The following DLGAP2 variants were observed in gnomAD, a reference collection of about 807,000 sequenced individuals.
The protein encoded by DLGAP2 is disks large-associated protein 2.
DLGAP2 carries 26 observed loss-of-function variants against 100.3 expected under a neutral mutation model. The observed-to-expected ratio is 0.26, with a 90% CI of 0.19 to 0.36. The LOEUF (loss-of-function observed/expected upper bound fraction) is 0.36, where lower values mean the gene tolerates loss of function less well. DLGAP2 is among the 10% of genes least tolerant of loss of function. The probability of loss-of-function intolerance (pLI) is 1.00; values close to 1 mark genes in which losing one functional copy is unlikely to be tolerated. For synonymous variants in DLGAP2, 886 were observed against 630.1 expected (o/e 1.41, Z -6.08); for missense variants, 1,858 against 1,453.2 (o/e 1.28, Z -4.53).
intron 3 of DLGAP2, among the ~76,000 whole-genome samples, chr8:1,331,112 T>C (rs914379370): frequency 6.6e-6 from 1 of 152,208 alleles, no homozygotes; most frequent in Non-Finnish European, 1.5e-5. Flanking sequence ...TGGGTACTCA[T>C]GCACGCTTTC....
At chr8:1,508,772 C>G (rs182056177) in intron 4 of DLGAP2, among the ~76,000 whole-genome samples, 2 of 151,478 alleles carry the variant, frequency 1.3e-5, no homozygotes, top group Admixed American at 6.6e-5. Context: ...CCTAAAAACA[C>G]CGAGCAGGCA....
At chr8:864,941 TC>T (rs1400714741) in intron 1 of DLGAP2, among the ~76,000 whole-genome samples, 1 of 152,240 alleles carries the variant, frequency 6.6e-6, no homozygotes, top group African/African-American at 2.4e-5. Flanking sequence ...TTAAATGTAT[TC>T]TTAGATATAG....
intron 3 of DLGAP2, among the ~76,000 whole-genome samples, chr8:1,363,692 G>A (rs1585301597): frequency 6.6e-6 from 1 of 152,226 alleles, no homozygotes; most frequent in East Asian, 1.9e-4. Flanking sequence ...AGGACATGGA[G>A]AGAAGCTGGA....
chr8:1,602,773 C>A (rs2957077), intron 6 of DLGAP2, among the ~76,000 whole-genome samples: 111,990 of 152,180 alleles, frequency 0.74, 41,489 homozygotes, highest in East Asian at 0.92. Context: ...CAGATGCTCC[C>A]CAATGTCGTG....
At chr8:1,214,405 G>A (rs558073466) in intron 2 of DLGAP2, among the ~76,000 whole-genome samples, 8 of 152,206 alleles carry the variant, frequency 5.3e-5, no homozygotes, top group African/African-American at 1.2e-4. Flanking sequence ...AGGGCATCTC[G>A]TAGATTGGGA....
intron 3 of DLGAP2, among the ~76,000 whole-genome samples, chr8:1,420,473 C>G (rs191326285): frequency 7.2e-5 from 11 of 152,246 alleles, no homozygotes; most frequent in East Asian, 1.9e-4. Flanking sequence ...TTTTCTAATT[C>G]CAATTCATCC....
chr8:798,001 C>T (rs778201718), intron 1 of DLGAP2, among the ~76,000 whole-genome samples: 14 of 152,180 alleles, frequency 9.2e-5, no homozygotes, highest in Non-Finnish European at 1.5e-4. Flanking sequence ...ACGCCCACCT[C>T]GGCCTCCCAA....
chr8:1,678,301 G>C lies in DLGAP2; in HGVS notation c.2376G>C (p.Thr792=). The change falls in exon 12 of 15, where the codon ACG becomes ACC. Residue 792 remains threonine, a synonymous_variant. Coordinates refer to ENST00000637795, the MANE Select transcript of DLGAP2 (RefSeq NM_001346810.2). ...ELEGFPGHIT[T]EDKGLQFGSS... ...AGGGGTTCCCAGGCCACATCACCAC[G>C]GAGGACAAAGGCCTTCAGTTCGGCT... The C allele has an allele frequency of 1.2e-6, 2 of 1,609,726 alleles. No homozygotes were observed. The highest frequency in any genetic ancestry group is 1.7e-6 in the Non-Finnish European group (2 of 1,176,580).
At chr8:1,249,673 G>C (rs1340321032) in intron 2 of DLGAP2, among the ~76,000 whole-genome samples, 1 of 152,132 alleles carries the variant, frequency 6.6e-6, no homozygotes, top group African/African-American at 2.4e-5. Flanking sequence ...CAGCTGTCAT[G>C]GAGCTGGTGA....
At chr8:983,508 G>A (rs906595092) in intron 2 of DLGAP2, among the ~76,000 whole-genome samples, 1 of 152,246 alleles carries the variant, frequency 6.6e-6, no homozygotes, top group Non-Finnish European at 1.5e-5. Flanking sequence ...TCCTTGAGAT[G>A]TTCTTCTGTT....
At chr8:1,473,947 C>T (rs1054491321) in intron 3 of DLGAP2, among the ~76,000 whole-genome samples, 1 of 152,170 alleles carries the variant, frequency 6.6e-6, no homozygotes, top group Non-Finnish European at 1.5e-5. Flanking sequence ...GTAAATTACC[C>T]AGTCTTGTAT....
At chr8:1,001,445 C>A (rs546572458) in intron 2 of DLGAP2, among the ~76,000 whole-genome samples, 64 of 152,248 alleles carry the variant, frequency 4.2e-4, no homozygotes, top group African/African-American at 1.4e-3. Flanking sequence ...TCAAACTTTT[C>A]ATCTAGAAAA....
At chr8:1,443,063 C>T (rs560451013) in intron 3 of DLGAP2, among the ~76,000 whole-genome samples, 1 of 152,094 alleles carries the variant, frequency 6.6e-6, no homozygotes, top group African/African-American at 2.4e-5. Flanking sequence ...TTAGACAACC[C>T]TTAGTTACAT....
intron 3 of DLGAP2, among the ~76,000 whole-genome samples, chr8:1,425,770 C>A (rs530624473): frequency 1.3e-5 from 2 of 152,286 alleles, no homozygotes; most frequent in East Asian, 3.9e-4. Flanking sequence ...AATAAACCCA[C>A]AGCAAAGCCG....
intron 5 of DLGAP2, among the ~76,000 whole-genome samples, 177 bp downstream of exon 5, chr8:1,549,860 TTACA>T (rs1280879952): frequency 5.9e-5 from 9 of 152,256 alleles, no homozygotes; most frequent in Non-Finnish European, 1.0e-4. Flanking sequence ...ACGCATTACC[TTACA>T]TACGTAATTT....
chr8:1,107,561 C>T lies in DLGAP2; in HGVS notation c.74-151290C>T, dbSNP rs572169936. Among the ~76,000 whole-genome samples the T allele has an allele frequency of 5.9e-5, 9 of 152,252 alleles. No homozygotes were observed. In the East Asian group the frequency reaches 7.7e-4, roughly 13 times the overall value. ...AAGCTCGTGTGCTGTTATTTTCCAG[C>T]GGAATTCCAGGGTGGAAACACGGAG... is the stretch of plus-strand genomic sequence containing the variant. On this transcript the variant is annotated intron_variant, in intron 2 of 14. Coordinates refer to ENST00000637795, the MANE Select transcript of DLGAP2 (RefSeq NM_001346810.2).
At chr8:816,382 G>T (rs561146153) in intron 1 of DLGAP2, among the ~76,000 whole-genome samples, 1 of 151,680 alleles carries the variant, frequency 6.6e-6, no homozygotes, top group East Asian at 2.0e-4. Flanking sequence ...TCAAGATTTA[G>T]AGCTCCTTGT....
Position 915,156 on chromosome 8 carries a change from T to C in DLGAP2, c.73+7190T>C, listed in dbSNP as rs1798564233. 3.3e-5 allele frequency among the ~76,000 whole-genome samples: 5 copies of C among 152,214 alleles called. No homozygotes were observed. The South Asian group carries it at 1.0e-3, about 32-fold the overall frequency. On this transcript the variant is annotated intron_variant, in intron 2 of 14. Coordinates refer to ENST00000637795, the MANE Select transcript of DLGAP2 (RefSeq NM_001346810.2). ...CTCTTCCTAAATTGAGAGAGAGCCC[T>C]GTCTTGAAGACGTCTTCTGCAACTC...
At chr8:1,219,257 T>C (rs1460351163) in intron 2 of DLGAP2, among the ~76,000 whole-genome samples, 1 of 152,204 alleles carries the variant, frequency 6.6e-6, no homozygotes, top group Non-Finnish European at 1.5e-5. Context: ...GGCTGTGGTT[T>C]TGTCATAGAT....
Sources: allele counts gnomAD v4.1 joint callset (sites outside exome capture counted in the v4.1 genomes callset), GRCh38; gene constraint gnomAD v4.1.1; transcripts MANE v1.5; gene names NCBI Gene and HGNC (gene_info 2026-07-23, HGNC 2026-07-21).